The following EXD2 variants were observed in gnomAD, a reference collection of about 807,000 sequenced individuals.
EXD2 encodes the protein exonuclease 3'-5' domain containing 2, also known as exonuclease 3'-5' domain-containing protein 2.
A neutral mutation model predicts 62.5 loss-of-function variants in EXD2; 40 were observed. The observed-to-expected ratio is 0.64, with a 90% CI of 0.50 to 0.83. EXD2 has a LOEUF of 0.83. Among genes scored for constraint, EXD2 ranks in the 40% least tolerant of loss-of-function variants. EXD2 has a pLI of 0.00. For synonymous variants in EXD2, 239 were observed against 291.9 expected, an observed-to-expected ratio of 0.82 and a Z score of 1.85; for missense variants, 671 against 761.8, an observed-to-expected ratio of 0.88 and a Z score of 1.40.
At chr14:69,219,457 G>T (rs966051421) in intron 3 of EXD2, among the ~76,000 whole-genome samples, 12 of 152,184 alleles carry the variant, frequency 7.9e-5, no homozygotes. Context: ...GTAAACATGG[G>T]TGTGCAGCTA....
rs1215116300 is a variant in EXD2 at position 69,243,796 on chromosome 14, G to T, written c.*2696G>T. On this transcript the variant is annotated 3_prime_UTR_variant, in exon 10 of 10. Coordinates refer to ENST00000685843, the MANE Select transcript of EXD2 (RefSeq NM_001193360.2). Reference sequence around the variant, plus strand: ...TCCAGTGTCCCAGCATAGTCACTGGGCTTCATAGGAGTAGCAGTGAGAGGA... The same window carrying T: ...TCCAGTGTCCCAGCATAGTCACTGGTCTTCATAGGAGTAGCAGTGAGAGGA... 6.6e-6 allele frequency: 1 copy of T among 152,128 alleles called. No individual in the cohort carries two copies. The highest frequency in any genetic ancestry group is 2.4e-5 in the African/African-American group (1 of 41,412). 9.4% of individuals were successfully genotyped at this position (152,128 alleles called of 1,614,324 possible). A position where few individuals can be genotyped will look rare whatever the true frequency, so the allele number is the denominator to read the frequency against.
At position 69,237,804 on chromosome 14, in the gene EXD2, G is replaced by T; in HGVS notation, c.1522G>T (p.Ala508Ser). Residue 508 changes from alanine (A) to serine (S), a missense_variant, in exon 9 of 10, where the codon GCC becomes TCC. By Grantham distance (99) the Ala-to-Ser change is moderately conservative (BLOSUM62 1). Coordinates refer to ENST00000685843, the MANE Select transcript of EXD2 (RefSeq NM_001193360.2). ...CCGGCAGGTGCGTTCTGGGGCCAGGGCCCTGCTCAACGCGGAGAGCCTGCC... is the reference window on the plus strand; with the variant it reads ...CCGGCAGGTGCGTTCTGGGGCCAGGTCCCTGCTCAACGCGGAGAGCCTGCC... ...ERRQVRSGARALLNAESLPTQ... is the reference protein window; with the variant it reads ...ERRQVRSGARSLLNAESLPTQ... 1 of 1,613,708 alleles carries T rather than the reference G, an allele frequency of 6.2e-7. No homozygotes were observed. The highest frequency in any genetic ancestry group is 8.5e-7 in the Non-Finnish European group (1 of 1,179,888).
At position 69,241,561 on chromosome 14, in the gene EXD2, A is replaced by T. The variant is rs1031231836; in HGVS notation, c.*461A>T. ...CCAAAGGCTGGAGAAGTGAACAAGG[A>T]GTCAAATTTATTTTCCCAATTCAAC... On this transcript the variant is annotated 3_prime_UTR_variant, in exon 10 of 10. Transcript: ENST00000685843. 1.7e-5 allele frequency: 5 copies of T among 301,884 alleles called. No homozygotes were observed. In the East Asian group the frequency reaches 2.9e-4, roughly 17 times the overall value. 18.7% of individuals were successfully genotyped at this position (301,884 alleles called of 1,614,324 possible).
chr14:69,215,630 C>G (rs747214890), intron 3 of EXD2, among the ~76,000 whole-genome samples: 2 of 152,180 alleles, frequency 1.3e-5, no homozygotes, highest in Non-Finnish European at 2.9e-5. Context: ...TGTTTTACAT[C>G]CTTGTCCACA....
intron 1 of EXD2, among the ~76,000 whole-genome samples, chr14:69,196,792 AT>A (rs35991332): frequency 0.37 from 54,409 of 145,750 alleles, 11,675 homozygotes; most frequent in African/African-American, 0.62. Context: ...TGGCCAATTA[AT>A]TTTTTTTTTT....
In EXD2 at chr14:69,237,711, C is replaced by T; in HGVS notation, c.1429C>T (p.Leu477=). Residue 477 remains leucine, a synonymous_variant, in exon 9 of 10, where the codon CTG becomes TTG. Transcript: ENST00000685843. The part of the protein sequence containing the change: ...NYYDNHLKQQ[L]AKEFQAPIGS... Reference sequence around the variant, plus strand: ...CTATGACAACCATCTGAAGCAGCAGCTGGCCAAGGAGTTCCAGGCCCCCAT... The same window carrying T: ...CTATGACAACCATCTGAAGCAGCAGTTGGCCAAGGAGTTCCAGGCCCCCAT... The T allele has an allele frequency of 2.5e-6, 4 of 1,614,192 alleles. No homozygotes were observed. Among genetic ancestry groups the T allele is most frequent in the Non-Finnish European group, 3.4e-6 (4 of 1,180,014 alleles).
chr14:69,239,363 G>A (rs2043908161), intron 9 of EXD2: 1 of 152,164 alleles, frequency 6.6e-6, no homozygotes, highest in South Asian at 2.1e-4. Flanking sequence ...CCTTGAGCGT[G>A]ATGCTGGTTT....
At chr14:69,201,197 T>G (rs905285386) in intron 1 of EXD2, among the ~76,000 whole-genome samples, 1 of 152,086 alleles carries the variant, frequency 6.6e-6, no homozygotes, top group Non-Finnish European at 1.5e-5. Flanking sequence ...TTTTGTTTGT[T>G]TTTGTTTTTG....
At position 69,237,838 on chromosome 14, in the gene EXD2, G is replaced by T. The variant is rs779208543; in HGVS notation, c.1556G>T (p.Arg519Leu). 6.2e-6 allele frequency: 10 copies of T among 1,613,174 alleles called. No individual in the cohort carries two copies. The South Asian group carries it at 1.1e-4, about 18-fold the overall frequency. ...LLNAESLPTQ[R>L]KEELLQALRE... ...AACGCGGAGAGCCTGCCTACTCAGC[G>T]AAAGGAGGAGCTGCTGCAAGCACTC... is the stretch of plus-strand genomic sequence containing the variant. The change falls in exon 9 of 10, where the codon CGA becomes CTA. Residue 519 changes from arginine to leucine, a missense_variant. Arg to Leu is a moderately radical substitution (Grantham distance 102). Transcript: ENST00000685843.
In EXD2 at chr14:69,229,103, T is replaced by C. The variant is rs781580647; in HGVS notation, c.590+31T>C. Reference sequence around the variant, plus strand: ...GTTTGTATGAATGCTGGGATTCCTATAGCTGCGGGACAAATATTTTAGCCA... The same window carrying C: ...GTTTGTATGAATGCTGGGATTCCTACAGCTGCGGGACAAATATTTTAGCCA... On this transcript the variant is annotated intron_variant, in intron 4 of 9. Transcript: ENST00000685843. The C allele has an allele frequency of 5.0e-6, 8 of 1,609,536 alleles. No homozygotes were observed. The South Asian group carries it at 7.7e-5, about 15-fold the overall frequency.
At chr14:69,192,869 T>A (rs2140167423) in intron 1 of EXD2, among the ~76,000 whole-genome samples, 1 of 152,296 alleles carries the variant, frequency 6.6e-6, no homozygotes, top group East Asian at 1.9e-4. Context: ...CCATAGATTG[T>A]TTCCAGTTTT....
chr14:69,229,008 C>T lies in EXD2; in HGVS notation c.526C>T (p.Leu176=). The change falls in exon 4 of 10, where the codon CTG becomes TTG. Residue 176 remains leucine, a synonymous_variant. Coordinates refer to ENST00000685843, the MANE Select transcript of EXD2 (RefSeq NM_001193360.2). ...VGCSEDASKL[L]QDYGLVVRGC... ...ATGCTCAGAAGATGCCAGCAAGCTT[C>T]TGCAGGATTATGGCCTCGTTGTTAG... 1.2e-6 allele frequency: 2 copies of T among 1,614,232 alleles called. No homozygotes were observed. The highest frequency in any genetic ancestry group is 1.7e-6 in the Non-Finnish European group (2 of 1,180,046).
At chr14:69,238,924 G>A (rs2043893880) in intron 9 of EXD2, among the ~76,000 whole-genome samples, 1 of 152,122 alleles carries the variant, frequency 6.6e-6, no homozygotes, top group Admixed American at 6.5e-5. Flanking sequence ...CACTGTGCCT[G>A]GCCCCAAATC....
chr14:69,230,558 G>T lies in EXD2; in HGVS notation c.677G>T (p.Arg226Leu), dbSNP rs200378483. The T allele has an allele frequency of 1.2e-6, 2 of 1,613,794 alleles. No homozygotes were observed. Among genetic ancestry groups the T allele is most frequent in the South Asian group, 1.1e-5 (1 of 91,050 alleles). ...CCCCTTGACAAGTCCCTTCTACTTCGTTGCAGCAACTGGGATGCTGAGACT... is the reference window on the plus strand; with the variant it reads ...CCCCTTGACAAGTCCCTTCTACTTCTTTGCAGCAACTGGGATGCTGAGACT... ...NFPLDKSLLL[R>L]CSNWDAETLT... Residue 226 changes from arginine (R) to leucine (L), a missense_variant, in exon 5 of 10, where the codon CGT (arginine) becomes CTT (leucine). Coordinates refer to ENST00000685843, the MANE Select transcript of EXD2 (RefSeq NM_001193360.2).
At chr14:69,220,389 G>C (rs1418127300) in intron 3 of EXD2, among the ~76,000 whole-genome samples, 1 of 142,644 alleles carries the variant, frequency 7.0e-6, no homozygotes, top group African/African-American at 2.6e-5. Context: ...TCCTGCCTCA[G>C]CCTCCCGAGT....
chr14:69,205,194 C>T (rs1421500087), intron 2 of EXD2, among the ~76,000 whole-genome samples: 3 of 152,088 alleles, frequency 2.0e-5, no homozygotes, highest in Non-Finnish European at 4.4e-5. Context: ...CATGTCTCTG[C>T]TTTGTTGTGT....
rs60787528 is a variant in EXD2, at chr14:69,206,455, C to CCTTTTTTTTTTTTTT, written c.-48+2455_-48+2456insCTTTTTTTTTTTTTT. On this transcript the variant is annotated intron_variant, in intron 2 of 9. Coordinates refer to ENST00000685843, the MANE Select transcript of EXD2 (RefSeq NM_001193360.2). ...CCCAGCTTCATCTCCCACCCACCCA[C>CCTTTTTTTTTTTTTT]TTTTTTTTTTTTTTTTTTTTTTTTT... 4.8e-3 allele frequency among the ~76,000 whole-genome samples: 450 copies of CCTTTTTTTTTTTTTT among 94,634 alleles called. 146 individuals are homozygous for CCTTTTTTTTTTTTTT. The highest frequency in any genetic ancestry group is 0.01 in the African/African-American group (230 of 22,180). 62.1% of individuals were successfully genotyped at this position (94,634 alleles called of 152,430 possible).
At chr14:69,230,877 G>A (rs1448472588) in intron 5 of EXD2, among the ~76,000 whole-genome samples, 1 of 152,138 alleles carries the variant, frequency 6.6e-6, no homozygotes, top group African/African-American at 2.4e-5. Context: ...CTGCCTCCTG[G>A]GTTCAAGCAA....
chr14:69,208,597 AG>A (rs772391186), intron 2 of EXD2, among the ~76,000 whole-genome samples: 3 of 152,254 alleles, frequency 2.0e-5, no homozygotes, highest in Non-Finnish European at 4.4e-5. Context: ...TCTCACATAT[AG>A]GAAAACAGAA....
Sources: gnomAD v4.1 joint callset for allele counts (sites outside exome capture counted in the v4.1 genomes callset) on GRCh38, gnomAD v4.1.1 for gene constraint, MANE v1.5 for transcripts, NCBI Gene and HGNC (gene_info 2026-07-23, HGNC 2026-07-21) for gene names.